DHX36: variants seen among roughly 807,000 people sequenced by gnomAD.
DHX36 encodes DEAH-box helicase 36.
Under a neutral mutation model 139.0 loss-of-function variants are expected in DHX36, and 50 were observed. The ratio of observed to expected loss-of-function variants is 0.36; its 90% CI spans 0.29 to 0.46. DHX36 has a LOEUF of 0.46. DHX36 is among the 20% of genes least tolerant of loss of function. The pLI, the probability that DHX36 is intolerant of heterozygous loss-of-function variation, is 1.00. For synonymous variants in DHX36, 425 were observed against 401.9 expected, an observed-to-expected ratio of 1.06 and a Z score of -0.69; for missense variants, 1,024 against 1,211.3, an observed-to-expected ratio of 0.85 and a Z score of 2.29.
chr3:154,309,875 A>G, intron 4 of DHX36, 52 bp from the exon 5 acceptor site: 9 of 1,362,134 alleles, frequency 6.6e-6, no homozygotes, highest in Non-Finnish European at 9.0e-6. Context: ...AGTCTGAAAA[A>G]AGATATTAAT....
chr3:154,283,185 T>C lies in DHX36; in HGVS notation c.2376+3A>G. On this transcript the variant is annotated splice_donor_region_variant and intron_variant, in intron 20 of 24. Coordinates refer to ENST00000496811, the MANE Select transcript of DHX36 (RefSeq NM_020865.3). The stretch of plus-strand genomic sequence containing the variant: ...ATAATTACTGCAAAACATTCACCAT[T>C]ACCTGCAGTGTGTTTGAAGACAGAA... 1 of 1,603,116 alleles carries C rather than the reference T, an allele frequency of 6.2e-7. No homozygotes were observed. The highest frequency in any genetic ancestry group is 2.2e-5 in the East Asian group (1 of 44,808).
At chr3:154,320,084 T>C (rs1282950803) in intron 1 of DHX36, among the ~76,000 whole-genome samples, 2 of 152,182 alleles carry the variant, frequency 1.3e-5, no homozygotes, top group Non-Finnish European at 2.9e-5. Flanking sequence ...CCAATAGACA[T>C]TCTCTGCTCT....
intron 13 of DHX36, among the ~76,000 whole-genome samples, chr3:154,294,026 C>T (rs1048594171): frequency 6.6e-6 from 1 of 152,174 alleles, no homozygotes. Context: ...AAATCTCCCA[C>T]AGATGTCACA....
At position 154,324,330 on chromosome 3, in the gene DHX36, A is replaced by T. The variant is rs1408568296; in HGVS notation, c.87T>A (p.Gly29=). 3 of 1,604,150 alleles carry T rather than the reference A, an allele frequency of 1.9e-6. No homozygotes were observed. The East Asian group carries it at 6.7e-5, about 36-fold the overall frequency. ...GGGYGGGPAG[G]HGGNRGSGGG... ...CTCCGGAGCCTCGGTTACCTCCATG[A>T]CCCCCTGCTGGCCCCCCTCCATAGC... The change falls in exon 1 of 25, where the codon GGT becomes GGA. Residue 29 remains glycine, a synonymous_variant. Coordinates refer to ENST00000496811, the MANE Select transcript of DHX36 (RefSeq NM_020865.3).
chr3:154,317,488 C>T (rs1257055957), intron 1 of DHX36, among the ~76,000 whole-genome samples: 1 of 151,922 alleles, frequency 6.6e-6, no homozygotes, highest in Non-Finnish European at 1.5e-5. Context: ...CCAAGTCTGG[C>T]ATTCACGGGG....
At chr3:154,291,403 G>T (rs757898916) in intron 15 of DHX36, among the ~76,000 whole-genome samples, 3 of 152,118 alleles carry the variant, frequency 2.0e-5, no homozygotes, top group Non-Finnish European at 4.4e-5. Context: ...ATAAAGGTGT[G>T]CCAAAACCTG....
chr3:154,302,987 G>A (rs1359234111), intron 9 of DHX36, among the ~76,000 whole-genome samples: 3 of 152,182 alleles, frequency 2.0e-5, no homozygotes, highest in East Asian at 1.9e-4. Context: ...TGAGGTGGGA[G>A]AATCACTTCA....
intron 11 of DHX36, among the ~76,000 whole-genome samples, 153 bp from the exon 12 acceptor site, chr3:154,300,078 T>C (rs550537348): frequency 5.9e-4 from 90 of 152,232 alleles, no homozygotes; most frequent in African/African-American, 2.2e-3. Flanking sequence ...TTTTTTTTAA[T>C]TATTGTTTTT....
chr3:154,277,846 T>C (rs1324340613), intron 22 of DHX36, 128 bp from the exon 23 acceptor site: 2 of 862,224 alleles, frequency 2.3e-6, no homozygotes, highest in African/African-American at 3.4e-5. Context: ...TCTAAAAAAA[T>C]TCCAGAGAAT....
At chr3:154,288,147 CAAAAAAAAAAAAAA>C (rs34632439) in intron 17 of DHX36, among the ~76,000 whole-genome samples, 2 of 53,348 alleles carry the variant, frequency 3.7e-5, no homozygotes, top group African/African-American at 7.8e-5. Context: ...GACTCTGTCT[CAAAAAAAAAAAAAA>C]AAAAAAAAGA....
intron 5 of DHX36, among the ~76,000 whole-genome samples, chr3:154,309,409 T>C (rs888137539): frequency 6.6e-6 from 1 of 152,190 alleles, no homozygotes; most frequent in East Asian, 1.9e-4. Context: ...TTCATTCTTG[T>C]GAACATGTAC....
rs776661898 is a variant in DHX36, at chr3:154,324,220, T to A, written c.197A>T (p.Tyr66Phe). The change falls in exon 1 of 25, where the codon TAC becomes TTC. Residue 66 changes from tyrosine (Y) to phenylalanine (F), a missense_variant. Transcript: ENST00000496811. ...HLKGREIGMW[Y>F]AKKQGQKNKE... ...GTTCTTCTGCCCCTGTTTTTTCGCG[T>A]ACCACATGCCGATTTCGCGGCCTTT... The A allele has an allele frequency of 3.7e-6, 6 of 1,613,534 alleles. No homozygotes were observed. In the South Asian group the frequency reaches 5.5e-5, roughly 15 times the overall value.
chr3:154,286,182 A>C (rs13094701), intron 17 of DHX36, among the ~76,000 whole-genome samples: 251 of 99,596 alleles, frequency 2.5e-3, no homozygotes, highest in Middle Eastern at 5.5e-3. Flanking sequence ...AAAAAAAAAA[A>C]AAAAAAAAAA....
At chr3:154,305,757 C>A (rs1200010514) in intron 6 of DHX36, among the ~76,000 whole-genome samples, 1 of 152,106 alleles carries the variant, frequency 6.6e-6, no homozygotes, top group East Asian at 1.9e-4. Context: ...AGAGTGAGAA[C>A]CTATCTCTAA....
intron 9 of DHX36, 45 bp from the exon 10 acceptor site, chr3:154,301,172 T>C: frequency 1.3e-6 from 2 of 1,513,280 alleles, no homozygotes; most frequent in Non-Finnish European, 1.8e-6. Flanking sequence ...TTTGAAACTC[T>C]AGTTTTAGCT....
chr3:154,278,971 T>C (rs943257147), intron 22 of DHX36: 3 of 152,320 alleles, frequency 2.0e-5, no homozygotes, highest in African/African-American at 7.2e-5. Flanking sequence ...TTTCTTTTTT[T>C]TGAGACAGGG....
intron 5 of DHX36, 42 bp downstream of exon 5, chr3:154,309,610 AC>A (rs1559956984): frequency 6.6e-7 from 1 of 1,521,536 alleles, no homozygotes; most frequent in Admixed American, 2.0e-5. Context: ...TAGCAAGATT[AC>A]TTTTAAAAAG....
intron 12 of DHX36, among the ~76,000 whole-genome samples, chr3:154,296,969 G>C (rs115468869): frequency 6.6e-6 from 1 of 152,194 alleles, no homozygotes; most frequent in Admixed American, 6.5e-5. Flanking sequence ...CAAGCTTTCA[G>C]ATATAACTTT....
intron 16 of DHX36, 24 bp downstream of exon 16, chr3:154,289,685 T>G (rs750740391): frequency 7.5e-7 from 1 of 1,327,994 alleles, no homozygotes; most frequent in East Asian, 2.3e-5. Context: ...CCATTTAGTT[T>G]CTTCATTCTC....
Sources: allele counts gnomAD v4.1 joint callset (sites outside exome capture counted in the v4.1 genomes callset), GRCh38; gene constraint gnomAD v4.1.1; transcripts MANE v1.5; gene names NCBI Gene and HGNC (gene_info 2026-07-23, HGNC 2026-07-21).